PLXNA4: variants seen among roughly 807,000 people sequenced by gnomAD.
PLXNA4 encodes the protein plexin-A4.
PLXNA4 carries 44 observed loss-of-function variants against 191.8 expected under a neutral mutation model. The ratio of observed to expected loss-of-function variants is 0.23; its 90% confidence interval spans 0.18 to 0.29. The LOEUF (loss-of-function observed/expected upper bound fraction) is 0.29, where lower values mean the gene tolerates loss of function less well. PLXNA4 is among the 10% of genes least tolerant of loss of function. The probability of loss-of-function intolerance (pLI) is 1.00; values close to 1 mark genes in which losing one functional copy is unlikely to be tolerated. For synonymous variants in PLXNA4, 1,082 were observed against 1,009.5 expected, an observed-to-expected ratio of 1.07 and a Z score of -1.36; for missense variants, 1,800 against 2,488.8, an observed-to-expected ratio of 0.72 and a Z score of 5.89.
chr7:132,178,731 CTTGTAAATGAA>C (rs1197555698), intron 20 of PLXNA4, among the ~76,000 whole-genome samples: 1,366 of 119,496 alleles, frequency 0.011, 70 homozygotes, highest in African/African-American at 0.046. Context: ...CACACACACA[CTTGTAAATGAA>C]ACACATACAC....
chr7:132,142,287 G>C (rs1021067638), intron 29 of PLXNA4, among the ~76,000 whole-genome samples: 11 of 152,152 alleles, frequency 7.2e-5, no homozygotes, highest in Non-Finnish European at 1.6e-4. Context: ...CCATGCAAGG[G>C]ATTGCTTACT....
intron 3 of PLXNA4, among the ~76,000 whole-genome samples, chr7:132,366,488 C>T (rs868034517): frequency 6.6e-6 from 1 of 151,962 alleles, no homozygotes; most frequent in African/African-American, 2.4e-5. Flanking sequence ...TGTGTGACTG[C>T]ACTCCAGCCT....
At chr7:132,148,252 C>A (rs1401362373) in intron 26 of PLXNA4, among the ~76,000 whole-genome samples, 1 of 152,186 alleles carries the variant, frequency 6.6e-6, no homozygotes, top group African/African-American at 2.4e-5. Context: ...AATCCCAGTG[C>A]TTCCCTGGAA....
chr7:132,606,778 G>A (rs559112828), intron 2 of PLXNA4, among the ~76,000 whole-genome samples: 4 of 152,276 alleles, frequency 2.6e-5, no homozygotes, highest in Non-Finnish European at 4.4e-5. Context: ...TAGGGAGGAG[G>A]GAGCACCTGA....
At chr7:132,278,048 C>A (rs1800343427) in intron 4 of PLXNA4, among the ~76,000 whole-genome samples, 1 of 152,162 alleles carries the variant, frequency 6.6e-6, no homozygotes, top group Non-Finnish European at 1.5e-5. Context: ...ATAAGTGTAC[C>A]TCACTTTTTA....
chr7:132,628,322 G>A (rs1803421571), intron 2 of PLXNA4, among the ~76,000 whole-genome samples: 3 of 151,878 alleles, frequency 2.0e-5, no homozygotes, highest in African/African-American at 7.3e-5. Context: ...CTGCTCCTTT[G>A]TATTTCTCTC....
chr7:132,337,539 G>C (rs1034181747), intron 3 of PLXNA4, among the ~76,000 whole-genome samples: 1 of 152,166 alleles, frequency 6.6e-6, no homozygotes, highest in Non-Finnish European at 1.5e-5. Context: ...AGCCCTCCTG[G>C]AATTCCGCAG....
chr7:132,256,443 T>A (rs565898391), intron 4 of PLXNA4, among the ~76,000 whole-genome samples: 3 of 152,166 alleles, frequency 2.0e-5, no homozygotes, highest in Admixed American at 2.0e-4. Flanking sequence ...GTTGTGTGCC[T>A]CCCCAGGCAA....
chr7:132,626,081 A>G (rs1199647302), intron 2 of PLXNA4, among the ~76,000 whole-genome samples: 1 of 152,210 alleles, frequency 6.6e-6, no homozygotes, highest in Non-Finnish European at 1.5e-5. Flanking sequence ...CCTTACAAGC[A>G]AGAAAACTGG....
chr7:132,642,271 T>C (rs1343107141), intron 2 of PLXNA4, among the ~76,000 whole-genome samples: 2 of 152,162 alleles, frequency 1.3e-5, no homozygotes, highest in Non-Finnish European at 2.9e-5. Context: ...TAATTAAATA[T>C]AGTAAATTAT....
chr7:132,373,406 C>T (rs1804523761), intron 3 of PLXNA4, among the ~76,000 whole-genome samples: 1 of 152,150 alleles, frequency 6.6e-6, no homozygotes, highest in African/African-American at 2.4e-5. Context: ...ATGATTGGTG[C>T]CAGGCCTCCG....
At chr7:132,430,685 C>T (rs1795226225) in intron 3 of PLXNA4, among the ~76,000 whole-genome samples, 1 of 152,140 alleles carries the variant, frequency 6.6e-6, no homozygotes, top group African/African-American at 2.4e-5. Flanking sequence ...TGCTAACAAC[C>T]CAGAGTTAAG....
At chr7:132,261,640 T>C (rs1015379678) in intron 4 of PLXNA4, among the ~76,000 whole-genome samples, 5 of 152,328 alleles carry the variant, frequency 3.3e-5, no homozygotes, top group African/African-American at 1.2e-4. Context: ...CCCCAGGCAC[T>C]GAATGATGGG....
chr7:132,148,922 G>T (rs899839934), intron 25 of PLXNA4, among the ~76,000 whole-genome samples: 1 of 152,170 alleles, frequency 6.6e-6, no homozygotes, highest in East Asian at 1.9e-4. Flanking sequence ...GGCTACATCT[G>T]TAAAAAGTAG....
At chr7:132,538,541 T>C (rs1799943839) in intron 1 of PLXNA4, among the ~76,000 whole-genome samples, 1 of 152,232 alleles carries the variant, frequency 6.6e-6, no homozygotes, top group Admixed American at 6.5e-5. Flanking sequence ...GGCTCTGTTA[T>C]TTGCTCATTG....
At chr7:132,256,043 G>T (rs920960671) in intron 4 of PLXNA4, among the ~76,000 whole-genome samples, 1 of 152,178 alleles carries the variant, frequency 6.6e-6, no homozygotes, top group African/African-American at 2.4e-5. Flanking sequence ...AATCATGCTG[G>T]CTCCTAGCCA....
At chr7:132,640,760 T>C (rs1803725495) in intron 2 of PLXNA4, among the ~76,000 whole-genome samples, 1 of 138,352 alleles carries the variant, frequency 7.2e-6, no homozygotes, top group Non-Finnish European at 1.5e-5. Context: ...GACACACCAT[T>C]GTCTTATGTC....
Position 132,292,925 on chromosome 7 carries a change from C to T in PLXNA4, c.1503+5166G>A, listed in dbSNP as rs574495437. The stretch of plus-strand genomic sequence containing the variant: ...AGGAGGGACCAGCCACAGGAAAAGC[C>T]AGAGAGTTTTCACAGCAGAGGAAAC... On this transcript the variant is annotated intron_variant, in intron 4 of 31. Coordinates refer to ENST00000321063, the MANE Select transcript of PLXNA4 (RefSeq NM_020911.2). 6.6e-5 allele frequency among the ~76,000 whole-genome samples: 10 copies of T among 152,256 alleles called. No homozygotes were observed. The South Asian group carries it at 1.0e-3, about 16-fold the overall frequency.
chr7:132,378,350 A>G (rs908136884), intron 3 of PLXNA4, among the ~76,000 whole-genome samples: 1 of 151,964 alleles, frequency 6.6e-6, no homozygotes, highest in Non-Finnish European at 1.5e-5. Flanking sequence ...GCTTCTCACC[A>G]CCCCTGGCAC....
Sources: gnomAD v4.1 joint callset for allele counts (sites outside exome capture counted in the v4.1 genomes callset) on GRCh38, gnomAD v4.1.1 for gene constraint, MANE v1.5 for transcripts, NCBI Gene and HGNC (gene_info 2026-07-23, HGNC 2026-07-21) for gene names.